TRMT11: variants seen among roughly 807,000 people sequenced by gnomAD.
TRMT11 encodes the protein tRNA methyltransferase 11.
TRMT11 carries 53 observed loss-of-function variants against 62.8 expected under a neutral mutation model. The observed-to-expected ratio is 0.84, with a 90% CI of 0.68 to 1.06. The LOEUF is 1.06. Ranked by LOEUF, TRMT11 falls within the 50% of genes least tolerant of loss-of-function variation. TRMT11 has a pLI of 0.00. For missense variants in TRMT11, 556 were observed against 553.4 expected (o/e 1.00, Z -0.05); for synonymous variants, 188 against 190.3 (o/e 0.99, Z 0.10).
intron 7 of TRMT11, among the ~76,000 whole-genome samples, chr6:126,007,434 GA>G (rs1793526771): frequency 6.6e-6 from 1 of 151,878 alleles, no homozygotes; most frequent in Admixed American, 6.6e-5. Context: ...TGTAGTTGAA[GA>G]ATATATTTAT....
chr6:126,249,352 C>G, the TRMT11 span, among the ~76,000 whole-genome samples: 1 of 152,002 alleles, frequency 6.6e-6, no homozygotes, highest in African/African-American at 2.4e-5. Context: ...TTTATGTGCT[C>G]TTTCCAACAG....
intron 17 of TRMT11, among the ~76,000 whole-genome samples, chr6:126,082,921 G>T (rs1777174214): frequency 6.6e-6 from 1 of 152,040 alleles, no homozygotes; most frequent in East Asian, 1.9e-4. Flanking sequence ...ACATGAAACA[G>T]CAGCCTACAG....
chr6:126,104,734 CTTAT>C (rs1476952211), intron 17 of TRMT11, among the ~76,000 whole-genome samples: 1 of 152,190 alleles, frequency 6.6e-6, no homozygotes, highest in Non-Finnish European at 1.5e-5. Flanking sequence ...GACACATTTA[CTTAT>C]TTATAAGATT....
chr6:126,226,487 G>T, the TRMT11 span, among the ~76,000 whole-genome samples: 4 of 151,740 alleles, frequency 2.6e-5, no homozygotes, highest in South Asian at 4.2e-4. Context: ...TTCTGTGCTC[G>T]CATTAAAGAA....
exon 1 of TRMT11, chr6:126,177,252 T>A (rs1778397210): frequency 1.3e-5 from 2 of 152,136 alleles, no homozygotes; most frequent in African/African-American, 4.8e-5. Context: ...TGTAGTGCCA[T>A]AAACCAAGCT....
chr6:125,995,831 AT>A, intron 2 of TRMT11, 135 bp from the exon 3 acceptor site: 1 of 629,312 alleles, frequency 1.6e-6, no homozygotes, highest in South Asian at 1.9e-5. Context: ...AACGATTTTT[AT>A]TTTGGTTACA....
chr6:126,020,718 G>A (rs1057152475), intron 11 of TRMT11, among the ~76,000 whole-genome samples: 17 of 151,962 alleles, frequency 1.1e-4, no homozygotes, highest in African/African-American at 3.9e-4. Flanking sequence ...AAAATTTTAC[G>A]GGCACTTCAT....
intron 21 of TRMT11, among the ~76,000 whole-genome samples, chr6:126,116,986 A>T (rs993188269): frequency 2.0e-5 from 3 of 152,102 alleles, no homozygotes; most frequent in Non-Finnish European, 4.4e-5. Flanking sequence ...GTATACAACA[A>T]TGTAAAGAAA....
intron 21 of TRMT11, among the ~76,000 whole-genome samples, chr6:126,135,837 C>T (rs1306382460): frequency 1.3e-5 from 2 of 151,734 alleles, no homozygotes; most frequent in Admixed American, 1.3e-4. Flanking sequence ...TCAACATACA[C>T]AAATCAATAA....
intron 1 of TRMT11, among the ~76,000 whole-genome samples, chr6:126,190,293 A>C (rs1231521047): frequency 1.3e-5 from 2 of 152,162 alleles, no homozygotes; most frequent in Non-Finnish European, 2.9e-5. Context: ...GGGAGGGACC[A>C]GGTGGGAGGT....
At chr6:126,098,700 G>A (rs1777365461) in intron 17 of TRMT11, among the ~76,000 whole-genome samples, 2 of 152,196 alleles carry the variant, frequency 1.3e-5, no homozygotes, top group South Asian at 4.1e-4. Flanking sequence ...AGTGTAGTTA[G>A]TAGAAGCTGA....
the TRMT11 span, among the ~76,000 whole-genome samples, chr6:126,215,127 T>A: frequency 6.6e-6 from 1 of 152,024 alleles, no homozygotes; most frequent in Non-Finnish European, 1.5e-5. Flanking sequence ...TTCTTGAGAA[T>A]GATCCATGTG....
chr6:125,987,944 G>C (rs529463944), intron 1 of TRMT11, among the ~76,000 whole-genome samples: 1 of 152,172 alleles, frequency 6.6e-6, no homozygotes, highest in Admixed American at 6.5e-5. Flanking sequence ...ATATTTGGGA[G>C]TCTTCTTCAT....
chr6:126,096,063 A>T (rs1421246689), intron 17 of TRMT11, among the ~76,000 whole-genome samples: 1 of 152,196 alleles, frequency 6.6e-6, no homozygotes, highest in Non-Finnish European at 1.5e-5. Context: ...TCTGCAGAAA[A>T]TGAAGAGCTA....
intron 1 of TRMT11, among the ~76,000 whole-genome samples, chr6:126,198,417 A>G (rs1303999824): frequency 1.3e-5 from 2 of 152,226 alleles, no homozygotes; most frequent in Non-Finnish European, 2.9e-5. Flanking sequence ...ATGAAAGCTA[A>G]GAGAGTTTGA....
the TRMT11 span, among the ~76,000 whole-genome samples, chr6:126,248,330 ATAAAC>A: frequency 2.6e-5 from 4 of 152,168 alleles, no homozygotes; most frequent in Non-Finnish European, 4.4e-5. Flanking sequence ...TATAGGAAAT[ATAAAC>A]TAAAGTATTC....
intron 21 of TRMT11, among the ~76,000 whole-genome samples, chr6:126,158,915 C>T (rs924899187): frequency 1.3e-5 from 2 of 152,130 alleles, no homozygotes; most frequent in South Asian, 4.1e-4. Flanking sequence ...TCACTTCCCT[C>T]GTTGCCCATC....
the TRMT11 span, among the ~76,000 whole-genome samples, chr6:126,238,892 T>G: frequency 6.6e-6 from 1 of 152,206 alleles, no homozygotes; most frequent in African/African-American, 2.4e-5. Flanking sequence ...ATCTGGGTGC[T>G]CCTGTATTGG....
chr6:126,086,307 A>AC (rs1398461009), intron 17 of TRMT11, among the ~76,000 whole-genome samples: 2 of 152,200 alleles, frequency 1.3e-5, no homozygotes, highest in African/African-American at 2.4e-5. Flanking sequence ...TATTGAAGCC[A>AC]CAATGAGTGT....
Sources: allele counts gnomAD v4.1 joint callset (sites outside exome capture counted in the v4.1 genomes callset), GRCh38; gene constraint gnomAD v4.1.1; transcripts MANE v1.5; gene names NCBI Gene and HGNC (gene_info 2026-07-23, HGNC 2026-07-21).